FBN2: variants seen among roughly 807,000 people sequenced by gnomAD.
FBN2 encodes the protein fibrillin 2.
Under a neutral mutation model 355.6 loss-of-function variants are expected in FBN2, and 105 were observed. That is an observed-to-expected ratio of 0.30 (90% CI 0.25 to 0.35). FBN2 has a LOEUF of 0.35. Among genes scored for constraint, FBN2 ranks in the 10% least tolerant of loss-of-function variants. The pLI, the probability that FBN2 is intolerant of heterozygous loss-of-function variation, is 1.00. For synonymous variants in FBN2, 1,350 were observed against 1,301.2 expected, an observed-to-expected ratio of 1.04 and a Z score of -0.81; for missense variants, 3,280 against 3,758.7, an observed-to-expected ratio of 0.87 and a Z score of 3.33.
In FBN2 at chr5:128,271,991, GCACTCACCGACA is replaced by G; in HGVS notation, c.7956_7960+7del. The G allele has an allele frequency of 6.2e-7, 1 of 1,613,886 alleles. No homozygotes were observed. Among genetic ancestry groups the G allele is most frequent in the Non-Finnish European group, 8.5e-7 (1 of 1,179,856 alleles). ...AAAGCAAGTGCGATGGAAGAAAAGA[GCACTCACCGACA>G]CACTGATTCCACTGGTAGTGCTGGA... is the stretch of plus-strand genomic sequence containing the variant. On this transcript the variant is annotated splice_donor_variant and splice_donor_5th_base_variant and coding_sequence_variant and intron_variant, in exon 62 of 65. Coordinates refer to ENST00000262464, the MANE Select transcript of FBN2 (RefSeq NM_001999.4). LOFTEE classifies it high-confidence loss of function.
intron 37 of FBN2, 43 bp downstream of exon 37, chr5:128,312,591 G>A (rs1386952010): frequency 6.2e-7 from 1 of 1,609,348 alleles, no homozygotes; most frequent in Non-Finnish European, 8.5e-7. Context: ...CAAATCTTTA[G>A]ATACCAGTTG....
At chr5:128,384,780 A>T (rs1269072478) in intron 11 of FBN2, among the ~76,000 whole-genome samples, 1 of 152,040 alleles carries the variant, frequency 6.6e-6, no homozygotes, top group African/African-American at 2.4e-5. Context: ...TCTAGATGAA[A>T]TTATAGTTGG....
chr5:128,456,856 G>GA lies in FBN2; in HGVS notation c.826+7867dup, dbSNP rs542631085. Among the ~76,000 whole-genome samples, 182 of 151,986 alleles carry GA rather than the reference G, an allele frequency of 1.2e-3. 1 individual carries two copies. The highest frequency in any genetic ancestry group is 3.9e-3 in the African/African-American group (162 of 41,462). On this transcript the variant is annotated intron_variant, in intron 6 of 64. Coordinates refer to ENST00000262464, the MANE Select transcript of FBN2 (RefSeq NM_001999.4). ...CACACAAAGATGAGAAAGAATCAAT[G>GA]AAAAAATCCTAAAAACACAAAAGGC... is the stretch of plus-strand genomic sequence containing the variant.
chr5:128,351,686 T>C (rs1413007026), intron 20 of FBN2, among the ~76,000 whole-genome samples: 2 of 152,110 alleles, frequency 1.3e-5, no homozygotes, highest in African/African-American at 4.8e-5. Flanking sequence ...GTAATTAATA[T>C]AATTATATCT....
chr5:128,315,167 T>C (rs1750167996), intron 36 of FBN2, among the ~76,000 whole-genome samples: 1 of 152,196 alleles, frequency 6.6e-6, no homozygotes, highest in African/African-American at 2.4e-5. Flanking sequence ...TTTTAAAAAA[T>C]AATTTACAGA....
chr5:128,320,730 TA>T (rs1410982828), intron 34 of FBN2, among the ~76,000 whole-genome samples: 1 of 152,238 alleles, frequency 6.6e-6, no homozygotes, highest in Non-Finnish European at 1.5e-5. Context: ...CATTTTTATA[TA>T]CATATTTAGA....
intron 5 of FBN2, among the ~76,000 whole-genome samples, chr5:128,514,482 G>A (rs1756226283): frequency 6.6e-6 from 1 of 152,094 alleles, no homozygotes; most frequent in Non-Finnish European, 1.5e-5. Flanking sequence ...TCATTAATAA[G>A]AAGTATATAT....
intron 7 of FBN2, among the ~76,000 whole-genome samples, chr5:128,421,256 T>C (rs761003479): frequency 6.6e-5 from 10 of 152,060 alleles, no homozygotes; most frequent in Non-Finnish European, 1.2e-4. Context: ...GAACTTCACT[T>C]TAGGCAAAGA....
intron 7 of FBN2, among the ~76,000 whole-genome samples, chr5:128,437,750 T>C (rs1436433877): frequency 6.6e-6 from 1 of 151,524 alleles, no homozygotes; most frequent in Non-Finnish European, 1.5e-5. Flanking sequence ...GATAGATAAA[T>C]AGATAGATAA....
At chr5:128,483,350 T>G (rs1302174046) in intron 5 of FBN2, among the ~76,000 whole-genome samples, 3 of 152,014 alleles carry the variant, frequency 2.0e-5, no homozygotes, top group African/African-American at 7.3e-5. Flanking sequence ...CTCAATAAAA[T>G]ATATGAACAA....
intron 27 of FBN2, among the ~76,000 whole-genome samples, chr5:128,336,573 C>A (rs1405613449): frequency 6.6e-6 from 1 of 152,132 alleles, no homozygotes; most frequent in Admixed American, 6.5e-5. Flanking sequence ...GAAGTGTTGC[C>A]TACATGATTT....
intron 5 of FBN2, among the ~76,000 whole-genome samples, chr5:128,490,151 T>G (rs1755462202): frequency 6.6e-6 from 1 of 152,230 alleles, no homozygotes; most frequent in East Asian, 1.9e-4. Flanking sequence ...GCATGTATTA[T>G]TCTTATAATC....
At chr5:128,318,303 C>T (rs1750267360) in intron 35 of FBN2, 32 bp from the exon 36 acceptor site, 1 of 1,613,470 alleles carries the variant, frequency 6.2e-7, no homozygotes, top group Non-Finnish European at 8.5e-7. Flanking sequence ...CCCAGGTTAC[C>T]ATTTTTACTT....
chr5:128,439,907 T>C (rs931419694), intron 7 of FBN2, among the ~76,000 whole-genome samples: 23 of 152,198 alleles, frequency 1.5e-4, no homozygotes, highest in Non-Finnish European at 2.4e-4. Flanking sequence ...AATATTTGTA[T>C]CTTTGATTCA....
chr5:128,374,345 C>T (rs564490003), intron 15 of FBN2, among the ~76,000 whole-genome samples: 30 of 152,242 alleles, frequency 2.0e-4, no homozygotes, highest in African/African-American at 7.0e-4. Flanking sequence ...TATCTTTTAG[C>T]TCCCACCCCA....
Position 128,305,967 on chromosome 5 carries a change from G to T in FBN2, c.5423-19C>A, listed in dbSNP as rs372831790. 1 of 1,610,112 alleles carries T rather than the reference G, an allele frequency of 6.2e-7. No individual in the cohort carries two copies. The highest frequency in any genetic ancestry group is 8.5e-7 in the Non-Finnish European group (1 of 1,176,716). On this transcript the variant is annotated intron_variant, in intron 42 of 64. Coordinates refer to ENST00000262464, the MANE Select transcript of FBN2 (RefSeq NM_001999.4). ...TCAATGTCTGAAATGGAACAGATTT[G>T]GTCAAATATATGTTGTTCTGTTTAA...
chr5:128,417,582 C>G (rs1331200576), intron 7 of FBN2, among the ~76,000 whole-genome samples: 2 of 152,088 alleles, frequency 1.3e-5, no homozygotes, highest in Non-Finnish European at 2.9e-5. Context: ...TTATCAAATG[C>G]TTTTCCTGCA....
chr5:128,407,683 A>C (rs537043055), intron 8 of FBN2, among the ~76,000 whole-genome samples: 1 of 152,352 alleles, frequency 6.6e-6, no homozygotes, highest in African/African-American at 2.4e-5. Flanking sequence ...CTGATATATC[A>C]GTACATTTAA....
At chr5:128,328,349 G>A in intron 34 of FBN2, 1 of 540,302 alleles carries the variant, frequency 1.9e-6, no homozygotes. Flanking sequence ...ATAAATAGTG[G>A]TAGTTGAGAC....
Sources: allele counts gnomAD v4.1 joint callset (sites outside exome capture counted in the v4.1 genomes callset), GRCh38; gene constraint gnomAD v4.1.1; transcripts MANE v1.5; gene names NCBI Gene and HGNC (gene_info 2026-07-23, HGNC 2026-07-21).